Variants in ANKRD11 observed in about 807,000 individuals in gnomAD.
The protein encoded by ANKRD11 is ankyrin repeat domain 11.
In ANKRD11, 17 loss-of-function variants were observed where a neutral mutation model predicts 195.7. That is an observed-to-expected ratio of 0.09 (90% confidence interval 0.06 to 0.13). ANKRD11 has a LOEUF of 0.13. Ranked by LOEUF, ANKRD11 falls within the 10% of genes least tolerant of loss-of-function variation. The pLI, the probability that ANKRD11 is intolerant of heterozygous loss-of-function variation, is 1.00. For synonymous variants in ANKRD11, 1,953 were observed against 1,528.1 expected, an observed-to-expected ratio of 1.28 and a Z score of -6.49; for missense variants, 3,735 against 3,566.1, an observed-to-expected ratio of 1.05 and a Z score of -1.21.
intron 2 of ANKRD11, among the ~76,000 whole-genome samples, chr16:89,405,546 C>A (rs539327512): frequency 6.9e-6 from 1 of 144,898 alleles, no homozygotes; most frequent in African/African-American, 2.6e-5. Context: ...GTTGTCCGGG[C>A]TGGTCTCGAA....
Position 89,285,439 on chromosome 16 carries a change from T to G in ANKRD11, c.1103A>C (p.Lys368Thr). 6.2e-7 allele frequency: 1 copy of G among 1,614,232 alleles called. No individual in the cohort carries two copies. The highest frequency in any genetic ancestry group is 8.5e-7 in the Non-Finnish European group (1 of 1,180,046). ...VPPVDDKHLL[K>T]KDYRKETKSN... ...TTTCGTTTCTTTTCTGTAGTCCTTT[T>G]TCAATAGGTGCTTGTCGTCCACCGG... The change falls in exon 9 of 13, where the codon AAA (lysine) becomes ACA (threonine). Residue 368 changes from lysine to threonine, a missense_variant. Transcript: ENST00000301030. The surrounding 1 kb of genome is among the most constrained non-coding windows in gnomAD (Gnocchi z 5.6).
In ANKRD11 at chr16:89,324,115, G is replaced by C. The variant is rs1478625281; in HGVS notation, c.-59-7037C>G. 10 of 618,580 alleles carry C rather than the reference G, an allele frequency of 1.6e-5. No homozygotes were observed. The South Asian group carries it at 2.4e-4, about 15-fold the overall frequency. The allele number at this position is 618,580 out of a possible 1,614,324, so 38.3% of individuals were successfully genotyped here. Reference sequence around the variant, plus strand: ...TCTGCCGGCCTCGGCCTCCCAAAGTGCCCCACGGCACAACGCTCTCTACTG... The same window carrying C: ...TCTGCCGGCCTCGGCCTCCCAAAGTCCCCCACGGCACAACGCTCTCTACTG... On this transcript the variant is annotated intron_variant, in intron 2 of 12. Coordinates refer to ENST00000301030, the MANE Select transcript of ANKRD11 (RefSeq NM_013275.6).
At chr16:89,404,765 C>T (rs1326134045) in intron 2 of ANKRD11, among the ~76,000 whole-genome samples, 4 of 152,258 alleles carry the variant, frequency 2.6e-5, no homozygotes, top group Non-Finnish European at 5.9e-5. Flanking sequence ...ATGTGCTCAG[C>T]CACGCCTACC....
Position 89,284,394 on chromosome 16 carries a change from T to C in ANKRD11, c.2148A>G (p.Lys716=), listed in dbSNP as rs371050776. 405 of 1,613,684 alleles carry C rather than the reference T, an allele frequency of 2.5e-4. 1 individual carries two copies. The highest frequency in any genetic ancestry group is 7.5e-4 in the Admixed American group (45 of 59,990). ...EEKEWLFKDE[K]SLKRIKDTNK... is the part of the protein sequence containing the mutation. ...TTGTGTCTTTGATTCTCTTCAGTGA[T>C]TTTTCATCTTTAAAGAGCCATTCTT... The change falls in exon 9 of 13, where the codon AAA becomes AAG. Residue 716 remains lysine, a synonymous_variant. Transcript: ENST00000301030.
At chr16:89,399,870 T>C (rs2041620789) in intron 2 of ANKRD11, among the ~76,000 whole-genome samples, 1 of 152,160 alleles carries the variant, frequency 6.6e-6, no homozygotes, top group African/African-American at 2.4e-5. Context: ...AGGGCTTGGA[T>C]TCACACAGCA....
At position 89,281,579 on chromosome 16, in the gene ANKRD11, T is replaced by C. The variant is rs1158839703; in HGVS notation, c.4963A>G (p.Lys1655Glu). ...GCAGGTGGAATAGGAGTCGACTCTT[T>C]GAGCTTTTTGTCTTTAAATGGAGGG... The part of the protein sequence containing the change: ...LDPPFKDKKL[K>E]ESTPIPPAAE... Residue 1655 changes from lysine (K) to glutamate (E), a missense_variant, in exon 9 of 13, where the codon AAA becomes GAA. Transcript: ENST00000301030. The surrounding 1 kb of genome is among the most constrained non-coding windows in gnomAD (Gnocchi z 5.5). 1.2e-6 allele frequency: 2 copies of C among 1,614,164 alleles called. No homozygotes were observed. The highest frequency in any genetic ancestry group is 1.7e-6 in the Non-Finnish European group (2 of 1,180,006).
intron 2 of ANKRD11, chr16:89,323,331 C>A: frequency 2.3e-6 from 3 of 1,288,922 alleles, no homozygotes; most frequent in Non-Finnish European, 3.0e-6. Flanking sequence ...GTGGCAATCC[C>A]AGGTATGGAA....
intron 1 of ANKRD11, among the ~76,000 whole-genome samples, chr16:89,442,485 A>G: frequency 6.6e-6 from 1 of 152,108 alleles, no homozygotes; most frequent in East Asian, 1.9e-4. Flanking sequence ...CCCTTTATGC[A>G]CAGCTTCCCC....
chr16:89,290,952 G>A, intron 5 of ANKRD11, 61 bp downstream of exon 5: 1 of 1,609,880 alleles, frequency 6.2e-7, no homozygotes, highest in South Asian at 1.1e-5. Context: ...GCACAGCCAT[G>A]AGGCTGCGAC....
intron 1 of ANKRD11, among the ~76,000 whole-genome samples, chr16:89,486,195 T>TA (rs1234269914): frequency 2.0e-5 from 3 of 152,154 alleles, no homozygotes; most frequent in Non-Finnish European, 2.9e-5. Flanking sequence ...CTCATGCCTA[T>TA]AATCCCAACA....
intron 1 of ANKRD11, among the ~76,000 whole-genome samples, chr16:89,486,836 G>C (rs1167990074): frequency 1.3e-5 from 2 of 151,910 alleles, no homozygotes; most frequent in African/African-American, 4.8e-5. Flanking sequence ...TGAAACTCCA[G>C]TCTCTACTAA....
intron 3 of ANKRD11, among the ~76,000 whole-genome samples, chr16:89,314,379 CTCGCA>C (rs1376296390): frequency 6.6e-6 from 1 of 152,200 alleles, no homozygotes; most frequent in Non-Finnish European, 1.5e-5. Context: ...GTGAACAGAG[CTCGCA>C]TCGACATTAT....
intron 2 of ANKRD11, among the ~76,000 whole-genome samples, chr16:89,385,544 C>A (rs550110305): frequency 6.6e-6 from 1 of 152,276 alleles, no homozygotes; most frequent in East Asian, 1.9e-4. Context: ...GTCAGAGCCT[C>A]AAGCTGCTCC....
At chr16:89,275,809 A>G (rs2033606582) in intron 9 of ANKRD11, among the ~76,000 whole-genome samples, 5 of 152,190 alleles carry the variant, frequency 3.3e-5, no homozygotes, top group Non-Finnish European at 5.9e-5. Context: ...AACTACATGC[A>G]TGCTGGAAGT....
intron 1 of ANKRD11, among the ~76,000 whole-genome samples, chr16:89,477,202 T>TC (rs2057290138): frequency 6.6e-6 from 1 of 151,658 alleles, no homozygotes; most frequent in Non-Finnish European, 1.5e-5. Flanking sequence ...CCCTTTTTTT[T>TC]TTTTTTTGGA....
At chr16:89,435,796 T>TCACACACACACACA (rs58503159) in intron 1 of ANKRD11, among the ~76,000 whole-genome samples, 161 of 143,104 alleles carry the variant, frequency 1.1e-3, no homozygotes, top group Non-Finnish European at 1.6e-3. Flanking sequence ...CACCAGCTCT[T>TCACACACACACACA]CACACACACA....
intron 2 of ANKRD11, among the ~76,000 whole-genome samples, chr16:89,336,343 T>C (rs1210441217): frequency 6.6e-6 from 1 of 152,206 alleles, no homozygotes; most frequent in Non-Finnish European, 1.5e-5. Flanking sequence ...TCCAAGATTG[T>C]CGTCAGACCT....
rs1340337771 is a variant in ANKRD11 at position 89,284,629 on chromosome 16, T to C, written c.1913A>G (p.His638Arg). The change falls in exon 9 of 13, where the codon CAC (histidine) becomes CGC (arginine). Residue 638 changes from histidine to arginine, a missense_variant. Coordinates refer to ENST00000301030, the MANE Select transcript of ANKRD11 (RefSeq NM_013275.6). ...ACACTGTCCCTTCTCCTTGTTTTTG[T>C]GTTTGTGTTTTGTTTTATGTTTTTT... ...VVKKHKTKHKHKNKEKGQCSI... is the reference protein window; with the variant it reads ...VVKKHKTKHKRKNKEKGQCSI... 1 of 1,614,086 alleles carries C rather than the reference T, an allele frequency of 6.2e-7. No homozygotes were observed. Among genetic ancestry groups the C allele is most frequent in the Admixed American group, 1.7e-5 (1 of 60,016 alleles).
chr16:89,282,009 G>T lies in ANKRD11; in HGVS notation c.4533C>A (p.Pro1511=), dbSNP rs769180959. 1.2e-6 allele frequency: 2 copies of T among 1,613,326 alleles called. No individual in the cohort carries two copies. The highest frequency in any genetic ancestry group is 1.7e-6 in the Non-Finnish European group (2 of 1,180,026). ...KPATRDKDSP[P]RVLKDKSRDE... ...CCCTGGACTTGTCTTTGAGCACGCG[G>T]GGCGGGCTGTCCTTGTCCCTGGTGG... Residue 1511 remains proline (P), a synonymous_variant, in exon 9 of 13, where the codon CCC becomes CCA. Coordinates refer to ENST00000301030, the MANE Select transcript of ANKRD11 (RefSeq NM_013275.6).
Sources: allele counts gnomAD v4.1 joint callset (sites outside exome capture counted in the v4.1 genomes callset), GRCh38; gene constraint gnomAD v4.1.1; non-coding constraint Gnocchi (gnomAD v3.1); transcripts MANE v1.5; gene names NCBI Gene and HGNC (gene_info 2026-07-23, HGNC 2026-07-21).